The following GNAS variants were observed in gnomAD, a reference collection of about 807,000 sequenced individuals.
GNAS encodes protein ALEX.
Under a neutral mutation model 54.5 loss-of-function variants are expected in GNAS, and 8 were observed. That is an observed-to-expected ratio of 0.15 (90% confidence interval 0.09 to 0.26). The LOEUF (loss-of-function observed/expected upper bound fraction) is 0.26, where lower values mean the gene tolerates loss of function less well. Ranked by LOEUF, GNAS falls within the 10% of genes least tolerant of loss-of-function variation. GNAS has a pLI of 1.00. For synonymous variants in GNAS, 204 were observed against 191.4 expected, an observed-to-expected ratio of 1.07 and a Z score of -0.54; for missense variants, 170 against 529.8, an observed-to-expected ratio of 0.32 and a Z score of 6.67.
intron 1 of GNAS, among the ~76,000 whole-genome samples, chr20:58,852,277 G>T (rs1037735931): frequency 1.2e-4 from 18 of 152,132 alleles, no homozygotes; most frequent in Admixed American, 9.2e-4. Context: ...GGCTGTTAAA[G>T]TGCTTTACCG....
chr20:58,904,326 C>T (rs1467651338), intron 5 of GNAS, among the ~76,000 whole-genome samples: 1 of 151,982 alleles, frequency 6.6e-6, no homozygotes, highest in Non-Finnish European at 1.5e-5. Flanking sequence ...TTTCTAAAGT[C>T]CTTGGGGCAA....
In GNAS at chr20:58,909,924, G is replaced by A. The variant is rs2146288513; in HGVS notation, c.840-27G>A. On this transcript the variant is annotated intron_variant, in intron 10 of 12. Transcript: ENST00000371085. The surrounding 1 kb of genome is among the most constrained non-coding windows in gnomAD (Gnocchi z 7.3). The stretch of plus-strand genomic sequence containing the variant: ...CTGGCCGAAAGCGCGCTTCTCCCAA[G>A]CATTCACACGGCCTCCCTTCTTGTA... 2 of 1,613,996 alleles carry A rather than the reference G, an allele frequency of 1.2e-6. No homozygotes were observed. The highest frequency in any genetic ancestry group is 1.7e-6 in the Non-Finnish European group (2 of 1,179,938).
At chr20:58,866,943 G>A (rs1049567877) in intron 1 of GNAS, among the ~76,000 whole-genome samples, 2 of 152,166 alleles carry the variant, frequency 1.3e-5, no homozygotes, top group Non-Finnish European at 2.9e-5. Context: ...AGGGGAAGGT[G>A]TAGAAATATA....
At chr20:58,893,149 G>A (rs1054467585) in intron 1 of GNAS, among the ~76,000 whole-genome samples, 14 of 147,998 alleles carry the variant, frequency 9.5e-5, no homozygotes, top group African/African-American at 2.8e-4. Flanking sequence ...TCCTCCAGGT[G>A]GGAAGAGATA....
At chr20:58,844,874 C>CT (rs1410498898) in intron 1 of GNAS, among the ~76,000 whole-genome samples, 1 of 152,076 alleles carries the variant, frequency 6.6e-6, no homozygotes, top group African/African-American at 2.4e-5. Context: ...AGGAAGAAAT[C>CT]TGTTTTGTGT....
chr20:58,882,085 T>C (rs533838758), intron 1 of GNAS, among the ~76,000 whole-genome samples: 1 of 152,240 alleles, frequency 6.6e-6, no homozygotes, highest in African/African-American at 2.4e-5. Context: ...TTGTTTTGTT[T>C]TGAGACGGAG....
At chr20:58,904,336 A>T (rs952395293) in intron 5 of GNAS, among the ~76,000 whole-genome samples, 10 of 152,190 alleles carry the variant, frequency 6.6e-5, no homozygotes, top group African/African-American at 2.2e-4. Flanking sequence ...CCTTGGGGCA[A>T]ATGAAATCTT....
intron 1 of GNAS, among the ~76,000 whole-genome samples, chr20:58,859,247 C>G (rs1018102394): frequency 6.6e-6 from 1 of 152,228 alleles, no homozygotes; most frequent in East Asian, 1.9e-4. Flanking sequence ...GTCACCCAGG[C>G]TGGAGTGCAA....
intron 1 of GNAS, chr20:58,876,703 C>G (rs1395455805): frequency 6.6e-6 from 1 of 152,216 alleles, no homozygotes; most frequent in Non-Finnish European, 1.5e-5. Context: ...ATTTTACCCT[C>G]CCAGATGCAG....
chr20:58,893,129 A>AG (rs1346071664), intron 1 of GNAS, among the ~76,000 whole-genome samples: 1 of 141,740 alleles, frequency 7.1e-6, no homozygotes, highest in African/African-American at 2.7e-5. Flanking sequence ...GAGTGCTCTA[A>AG]GGAGACTTTT....
chr20:58,886,233 G>T (rs2088580570), intron 1 of GNAS, among the ~76,000 whole-genome samples: 2 of 152,190 alleles, frequency 1.3e-5, no homozygotes, highest in Admixed American at 6.5e-5. Flanking sequence ...GTCAAATATG[G>T]AATGTTGGAA....
chr20:58,850,587 T>C, intron 1 of GNAS: 1 of 398,922 alleles, frequency 2.5e-6, no homozygotes, highest in Admixed American at 4.4e-5. Flanking sequence ...CATCCTGGGC[T>C]GCTCCTCGCA....
At chr20:58,855,592 C>T (rs2086449806) in intron 1 of GNAS, 3 of 717,280 alleles carry the variant, frequency 4.2e-6, no homozygotes, top group Non-Finnish European at 7.8e-6. Flanking sequence ...GGGTCGTTTC[C>T]GGCTGGACAG....
In GNAS at chr20:58,841,108, C is replaced by T. The variant is rs1002484726; in HGVS notation, c.43+222C>T. Among the ~76,000 whole-genome samples, 21 of 152,106 alleles carry T rather than the reference C, an allele frequency of 1.4e-4. No homozygotes were observed. The highest frequency in any genetic ancestry group is 2.6e-4 in the Admixed American group (4 of 15,284). On this transcript the variant is annotated intron_variant, in intron 1 of 12. Transcript: ENST00000306090. This position sits in a 1 kb window ranked among gnomAD's most constrained non-coding sequence, Gnocchi z 5.0. ...GCCAAAGGCTTGTTGGACGGCGGGGCGCACGCCGTGCGTCCCGCTGGAGAC... is the reference window on the plus strand; with the variant it reads ...GCCAAAGGCTTGTTGGACGGCGGGGTGCACGCCGTGCGTCCCGCTGGAGAC...
At chr20:58,850,508 T>C (rs749604101) in intron 1 of GNAS, 10 of 398,402 alleles carry the variant, frequency 2.5e-5, no homozygotes, top group Non-Finnish European at 3.5e-5. Flanking sequence ...TCCCTGGGGC[T>C]CCAACCCCAA....
intron 6 of GNAS, among the ~76,000 whole-genome samples, chr20:58,906,211 G>T (rs937400058): frequency 3.3e-5 from 5 of 152,312 alleles, no homozygotes; most frequent in African/African-American, 9.6e-5. Context: ...GTAGCAATGG[G>T]AAAAGCATCT....
upstream of GNAS, chr20:58,840,338 G>A (rs1252513650): frequency 6.2e-7 from 1 of 1,613,110 alleles, no homozygotes; most frequent in Admixed American, 1.7e-5. This position sits in a 1 kb window ranked among gnomAD's most constrained non-coding sequence, Gnocchi z 6.0. Context: ...GGTATTCCCT[G>A]AGTCCCCCGA....
Position 58,853,766 on chromosome 20 carries a change from C to G in GNAS, c.43+12880C>G. ...AAGAAGCTATGCCCTTTGAGTTTGA[C>G]CAGCCTGCCCAGAGAGGCTGCAGTC... On this transcript the variant is annotated intron_variant, in intron 1 of 12. Transcript: ENST00000306090. This position sits in a 1 kb window ranked among gnomAD's most constrained non-coding sequence, Gnocchi z 4.4. 1.2e-6 allele frequency: 2 copies of G among 1,613,322 alleles called. No homozygotes were observed. The highest frequency in any genetic ancestry group is 1.7e-6 in the Non-Finnish European group (2 of 1,179,686).
At chr20:58,842,405 GA>G (rs995461153) in intron 1 of GNAS, 5 of 398,366 alleles carry the variant, frequency 1.3e-5, no homozygotes, top group Non-Finnish European at 2.2e-5. Flanking sequence ...TAACTCCTAA[GA>G]AAAGGATGAT....
Sources: gnomAD v4.1 joint callset for allele counts (sites outside exome capture counted in the v4.1 genomes callset) on GRCh38, gnomAD v4.1.1 for gene constraint, Gnocchi (gnomAD v3.1) non-coding constraint, MANE v1.5 for transcripts, NCBI Gene and HGNC (gene_info 2026-07-23, HGNC 2026-07-21) for gene names.